Variants in CACNA2D3 observed in about 807,000 individuals in gnomAD.
The protein encoded by CACNA2D3 is voltage-dependent calcium channel subunit alpha-2/delta-3.
Under a neutral mutation model 160.6 loss-of-function variants are expected in CACNA2D3, and 60 were observed. The observed-to-expected ratio is 0.37, with a 90% CI of 0.30 to 0.46. The LOEUF is 0.46. Among genes scored for constraint, CACNA2D3 ranks in the 20% least tolerant of loss-of-function variants. The pLI, the probability that CACNA2D3 is intolerant of heterozygous loss-of-function variation, is 1.00. For missense variants in CACNA2D3, 1,205 were observed against 1,365.0 expected (o/e 0.88, Z 1.85); for synonymous variants, 558 against 492.9 (o/e 1.13, Z -1.75).
chr3:54,604,605 C>T (rs1005376990), intron 9 of CACNA2D3, among the ~76,000 whole-genome samples: 8 of 152,138 alleles, frequency 5.3e-5, no homozygotes, highest in African/African-American at 1.7e-4. Context: ...CAGTAGCTAG[C>T]AAGTCCTGTC....
chr3:54,719,154 A>G (rs1395305380), intron 11 of CACNA2D3, among the ~76,000 whole-genome samples: 2 of 141,250 alleles, frequency 1.4e-5, no homozygotes, highest in Non-Finnish European at 3.0e-5. Flanking sequence ...ACCAAGTTGC[A>G]CTGGATTTCT....
intron 11 of CACNA2D3, among the ~76,000 whole-genome samples, chr3:54,685,724 G>A (rs1445077315): frequency 1.3e-5 from 2 of 152,192 alleles, no homozygotes; most frequent in African/African-American, 2.4e-5. Flanking sequence ...CTAGCTATTA[G>A]TACAGACAAC....
rs1392714690 is a variant in CACNA2D3 at position 54,735,993 on chromosome 3, A to G, written c.1168-16606A>G. Among the ~76,000 whole-genome samples, 416 of 91,328 alleles carry G rather than the reference A, an allele frequency of 4.6e-3. 22 individuals carry two copies. The highest frequency in any genetic ancestry group is 6.8e-3 in the Non-Finnish European group (276 of 40,684). 59.9% of individuals were successfully genotyped at this position (91,328 alleles called of 152,430 possible). On this transcript the variant is annotated intron_variant, in intron 11 of 37. Transcript: ENST00000474759. ...TTTTTCCATGCATGTATATATATAT[A>G]CATATATATATATGTATATATATAC...
intron 33 of CACNA2D3, 32 bp from the exon 34 acceptor site, chr3:55,009,356 A>G (rs773191738): frequency 4.2e-5 from 67 of 1,601,870 alleles, no homozygotes; most frequent in Non-Finnish European, 5.6e-5. Flanking sequence ...TGGATGACGA[A>G]GTAACATTGG....
At chr3:55,038,428 G>A (rs1703877515) in intron 35 of CACNA2D3, among the ~76,000 whole-genome samples, 1 of 152,074 alleles carries the variant, frequency 6.6e-6, no homozygotes, top group Admixed American at 6.6e-5. Context: ...ATCAATATAT[G>A]AACATGCATT....
At chr3:54,985,741 G>A (rs1241186282) in intron 30 of CACNA2D3, among the ~76,000 whole-genome samples, 2 of 152,162 alleles carry the variant, frequency 1.3e-5, no homozygotes, top group Non-Finnish European at 2.9e-5. Flanking sequence ...CTTAAGTGTG[G>A]CTTCTTAGGG....
At chr3:54,998,357 C>T (rs941031149) in intron 31 of CACNA2D3, among the ~76,000 whole-genome samples, 3 of 152,130 alleles carry the variant, frequency 2.0e-5, no homozygotes, top group Non-Finnish European at 2.9e-5. Flanking sequence ...TAGTCTTGAA[C>T]TCCTGACCTC....
At chr3:54,609,423 T>C (rs906449820) in intron 9 of CACNA2D3, among the ~76,000 whole-genome samples, 1 of 152,202 alleles carries the variant, frequency 6.6e-6, no homozygotes. Context: ...CTAAACGTGT[T>C]TGAAATATCT....
chr3:54,425,631 C>T (rs1480117818), intron 4 of CACNA2D3, among the ~76,000 whole-genome samples: 1 of 152,178 alleles, frequency 6.6e-6, no homozygotes, highest in Middle Eastern at 3.2e-3. Context: ...AGAGTGGGTT[C>T]GGGTTTTCCT....
At chr3:54,993,722 G>C (rs1382241057) in intron 31 of CACNA2D3, among the ~76,000 whole-genome samples, 1 of 152,096 alleles carries the variant, frequency 6.6e-6, no homozygotes, top group East Asian at 1.9e-4. Context: ...TTGTCTATCT[G>C]ATTATGCTGG....
intron 2 of CACNA2D3, among the ~76,000 whole-genome samples, chr3:54,210,977 T>C (rs1015734117): frequency 2.0e-5 from 3 of 152,202 alleles, no homozygotes; most frequent in Admixed American, 6.5e-5. Context: ...TGTTTAACTT[T>C]TAAAAGAGGT....
intron 11 of CACNA2D3, among the ~76,000 whole-genome samples, chr3:54,751,673 C>T (rs1236205940): frequency 6.6e-6 from 1 of 152,120 alleles, no homozygotes; most frequent in Non-Finnish European, 1.5e-5. Flanking sequence ...CTTGACCCAT[C>T]AGACTAGAGG....
chr3:54,925,285 T>G, intron 27 of CACNA2D3: 2 of 1,298,906 alleles, frequency 1.5e-6, no homozygotes, highest in Middle Eastern at 2.0e-4. Context: ...TTTTCCGCCT[T>G]TGAATTTACA....
intron 27 of CACNA2D3, among the ~76,000 whole-genome samples, chr3:54,908,282 G>A (rs1406299753): frequency 6.6e-6 from 1 of 152,150 alleles, no homozygotes; most frequent in Non-Finnish European, 1.5e-5. Flanking sequence ...TAATGACTTA[G>A]CATCTTTTCG....
At chr3:54,286,615 GA>G (rs1703034667) in intron 2 of CACNA2D3, among the ~76,000 whole-genome samples, 1 of 152,092 alleles carries the variant, frequency 6.6e-6, no homozygotes, top group African/African-American at 2.4e-5. Context: ...GCAACTCCAA[GA>G]CACATAATTG....
At chr3:55,013,075 C>CT (rs1239628900) in intron 34 of CACNA2D3, among the ~76,000 whole-genome samples, 1 of 152,214 alleles carries the variant, frequency 6.6e-6, no homozygotes, top group African/African-American at 2.4e-5. Context: ...GTGAGACCTC[C>CT]TTTCCACAGA....
intron 4 of CACNA2D3, among the ~76,000 whole-genome samples, chr3:54,455,150 GT>G (rs968541281): frequency 6.6e-6 from 1 of 151,714 alleles, no homozygotes; most frequent in Non-Finnish European, 1.5e-5. Flanking sequence ...TCTATTTTGA[GT>G]TTTTTTTGAA....
chr3:54,252,904 T>C (rs1017817701), intron 2 of CACNA2D3, among the ~76,000 whole-genome samples: 2 of 152,186 alleles, frequency 1.3e-5, no homozygotes, highest in African/African-American at 2.4e-5. Flanking sequence ...CCATCTTTGC[T>C]TTCATCAATC....
chr3:54,987,790 G>A (rs557530391), intron 31 of CACNA2D3, 37 bp downstream of exon 31: 1 of 1,488,658 alleles, frequency 6.7e-7, no homozygotes, highest in African/African-American at 1.4e-5. Context: ...CCCCCCAAAA[G>A]TTTTCCTAAA....
Sources: gnomAD v4.1 joint callset for allele counts (sites outside exome capture counted in the v4.1 genomes callset) on GRCh38, gnomAD v4.1.1 for gene constraint, MANE v1.5 for transcripts, NCBI Gene and HGNC (gene_info 2026-07-23, HGNC 2026-07-21) for gene names.